Variants in ZNHIT3 observed in about 807,000 individuals in gnomAD.
The protein encoded by ZNHIT3 is zinc finger HIT-type containing 3.
ZNHIT3 carries 27 observed loss-of-function variants against 19.9 expected under a neutral mutation model. The observed-to-expected ratio is 1.36, with a 90% CI of 1.00 to 1.87. The LOEUF (loss-of-function observed/expected upper bound fraction) is 1.87, where lower values mean the gene tolerates loss of function less well. ZNHIT3 is among the 40% of genes most tolerant of loss of function. The probability of loss-of-function intolerance (pLI) is 0.00; values close to 1 mark genes in which losing one functional copy is unlikely to be tolerated. For synonymous variants in ZNHIT3, 81 were observed against 65.7 expected (o/e 1.23, Z -1.13); for missense variants, 215 against 185.6 (o/e 1.16, Z -0.92).
intron 3 of ZNHIT3, chr17:36,493,233 G>C: frequency 2.7e-6 from 1 of 366,006 alleles, no homozygotes; most frequent in Non-Finnish European, 5.0e-6. Context: ...GGCTGGGACT[G>C]TCAGTTCACC....
downstream of ZNHIT3, chr17:36,496,414 G>A: frequency 1.2e-6 from 2 of 1,613,740 alleles, no homozygotes; most frequent in African/African-American, 2.7e-5. Context: ...TCCCTAGAGG[G>A]GAGAGAGAGA....
downstream of ZNHIT3, chr17:36,496,021 C>T: frequency 1.3e-6 from 1 of 797,672 alleles, no homozygotes; most frequent in Non-Finnish European, 1.8e-6. Context: ...TGTTTCTTAA[C>T]CCTGATTTGG....
At chr17:36,498,178 C>G, downstream of ZNHIT3, 1 of 1,452,892 alleles carries the variant, frequency 6.9e-7, no homozygotes, top group Non-Finnish European at 9.3e-7. Flanking sequence ...CTTGTCCCAG[C>G]CTCAGTCTCA....
At position 36,486,720 on chromosome 17, in the gene ZNHIT3, C is replaced by G; in HGVS notation, c.21C>G (p.Ser7Arg). The change falls in exon 1 of 5, where the codon AGC becomes AGG. Residue 7 changes from serine (S) to arginine (R), a missense_variant. Coordinates refer to ENST00000617429, the MANE Select transcript of ZNHIT3 (RefSeq NM_004773.4). ...AAACCATGGCGTCGCTCAAATGTAGCACCGTCGTCTGCGTGATCTGCTTGG... is the reference window on the plus strand; with the variant it reads ...AAACCATGGCGTCGCTCAAATGTAGGACCGTCGTCTGCGTGATCTGCTTGG... MASLKC[S>R]TVVCVICLEK... 6.2e-7 allele frequency: 1 copy of G among 1,613,938 alleles called. No homozygotes were observed. The highest frequency in any genetic ancestry group is 8.5e-7 in the Non-Finnish European group (1 of 1,179,934).
At chr17:36,494,677 T>G (rs2070835382) in intron 4 of ZNHIT3, among the ~76,000 whole-genome samples, 1 of 152,210 alleles carries the variant, frequency 6.6e-6, no homozygotes, top group Admixed American at 6.5e-5. Flanking sequence ...GTAATAGGTG[T>G]GAAAAATTTT....
chr17:36,496,562 T>C (rs558228756), downstream of ZNHIT3, among the ~76,000 whole-genome samples: 1 of 152,192 alleles, frequency 6.6e-6, no homozygotes, highest in Admixed American at 6.5e-5. Flanking sequence ...ATCCACTCAG[T>C]GTGAGACAGA....
chr17:36,499,267 T>A (rs1326465583), downstream of ZNHIT3: 10 of 431,944 alleles, frequency 2.3e-5, no homozygotes, highest in Middle Eastern at 3.8e-4. Flanking sequence ...TTCAAATACG[T>A]TTTTTTTTTT....
Position 36,495,206 on chromosome 17 carries a change from T to C in ZNHIT3, c.287-17T>C, listed in dbSNP as rs1257649268. The C allele has an allele frequency of 1.3e-6, 2 of 1,550,634 alleles. No individual in the cohort carries two copies. The highest frequency in any genetic ancestry group is 1.7e-6 in the Non-Finnish European group (2 of 1,152,312). On this transcript the variant is annotated splice_polypyrimidine_tract_variant and intron_variant, in intron 4 of 4. Coordinates refer to ENST00000617429, the MANE Select transcript of ZNHIT3 (RefSeq NM_004773.4). The stretch of plus-strand genomic sequence containing the variant: ...CCACTTGAACTCAGACTGGCTTTTT[T>C]TCTTGTTAATTTTTAGGGGAATCTG...
chr17:36,493,973 G>A lies in ZNHIT3; in HGVS notation c.253G>A (p.Asp85Asn). ...ADFLNSDEEE[D>N]RVSLQNLKNL... ...TTTTCTCAATAGTGATGAGGAAGAA[G>A]ACAGAGTTTCTTTGCAGAATTTAAA... The change falls in exon 4 of 5, where the codon GAC becomes AAC. Residue 85 changes from aspartate to asparagine, a missense_variant. Coordinates refer to ENST00000617429, the MANE Select transcript of ZNHIT3 (RefSeq NM_004773.4). 2 of 1,613,488 alleles carry A rather than the reference G, an allele frequency of 1.2e-6. No homozygotes were observed. The highest frequency in any genetic ancestry group is 1.7e-6 in the Non-Finnish European group (2 of 1,179,538).
At chr17:36,494,156 C>T (rs2070807408) in intron 4 of ZNHIT3, 150 bp downstream of exon 4, 1 of 620,554 alleles carries the variant, frequency 1.6e-6, no homozygotes, top group African/African-American at 1.9e-5. Context: ...TACAGGGTTT[C>T]ACACCTCCCA....
intron 4 of ZNHIT3, among the ~76,000 whole-genome samples, chr17:36,494,778 A>T (rs1428745397): frequency 6.6e-6 from 1 of 152,138 alleles, no homozygotes; most frequent in Non-Finnish European, 1.5e-5. Context: ...CATCATTCAG[A>T]TTATTTCGTA....
chr17:36,489,117 T>C (rs1302049003), intron 2 of ZNHIT3: 1 of 152,262 alleles, frequency 6.6e-6, no homozygotes, highest in Non-Finnish European at 1.5e-5. Context: ...CTCATCCATG[T>C]TCCTGCAAGT....
intron 2 of ZNHIT3, 51 bp from the exon 3 acceptor site, chr17:36,492,762 C>G (rs773390413): frequency 1.2e-5 from 19 of 1,551,148 alleles, no homozygotes; most frequent in Non-Finnish European, 1.7e-5. Flanking sequence ...GAGGTGCAGC[C>G]TTGTCGCTGA....
At chr17:36,499,079 C>A, downstream of ZNHIT3, 1 of 1,607,028 alleles carries the variant, frequency 6.2e-7, no homozygotes, top group South Asian at 1.1e-5. Flanking sequence ...ACTTACTCTC[C>A]ACTTCTGCCA....
downstream of ZNHIT3, chr17:36,499,303 C>A (rs1274796326): frequency 5.4e-6 from 3 of 551,936 alleles, no homozygotes; most frequent in African/African-American, 3.9e-5. Context: ...AAATAAGGTT[C>A]TAAAATCAAT....
At position 36,494,919 on chromosome 17, in the gene ZNHIT3, C is replaced by T. The variant is rs192828859; in HGVS notation, c.287-304C>T. 1.9e-3 allele frequency among the ~76,000 whole-genome samples: 284 copies of T among 152,252 alleles called. 8 individuals carry two copies. Among genetic ancestry groups the T allele is most frequent in the Admixed American group, 0.017 (254 of 15,296 alleles). The stretch of plus-strand genomic sequence containing the variant: ...TCTTAGCTGAAGTGGCACGAAGTTA[C>T]AATATTTACAAAGATACCAAGAACT... On this transcript the variant is annotated intron_variant, in intron 4 of 4. Coordinates refer to ENST00000617429, the MANE Select transcript of ZNHIT3 (RefSeq NM_004773.4).
At chr17:36,493,245 G>C in intron 3 of ZNHIT3, 1 of 337,354 alleles carries the variant, frequency 3.0e-6, no homozygotes, top group Non-Finnish European at 5.5e-6. Context: ...CAGTTCACCT[G>C]AACTCAGCCC....
At chr17:36,494,379 G>C (rs542493162) in intron 4 of ZNHIT3, among the ~76,000 whole-genome samples, 2 of 152,262 alleles carry the variant, frequency 1.3e-5, no homozygotes, top group African/African-American at 2.4e-5. Context: ...ATGGTAATTT[G>C]TCTCTCACAT....
chr17:36,487,625 C>T (rs1176704999), intron 2 of ZNHIT3, among the ~76,000 whole-genome samples: 1 of 151,610 alleles, frequency 6.6e-6, no homozygotes, highest in Non-Finnish European at 1.5e-5. Context: ...GAAACTCCGT[C>T]TCTACTAAAA....
Sources: allele counts gnomAD v4.1 joint callset (sites outside exome capture counted in the v4.1 genomes callset), GRCh38; gene constraint gnomAD v4.1.1; transcripts MANE v1.5; gene names NCBI Gene and HGNC (gene_info 2026-07-23, HGNC 2026-07-21).